SEL1L2: variants seen among roughly 807,000 people sequenced by gnomAD.
SEL1L2 encodes protein sel-1 homolog 2.
A neutral mutation model predicts 98.8 loss-of-function variants in SEL1L2; 89 were observed. The ratio of observed to expected loss-of-function variants is 0.90; its 90% CI spans 0.76 to 1.07. The LOEUF (loss-of-function observed/expected upper bound fraction) is 1.07. Among genes scored for constraint, SEL1L2 ranks in the 50% least tolerant of loss-of-function variants. SEL1L2 has a pLI of 0.00. For synonymous variants in SEL1L2, 262 were observed against 278.5 expected (o/e 0.94, Z 0.59); for missense variants, 788 against 812.0 (o/e 0.97, Z 0.36).
chr20:13,980,315 A>G (rs1384392685), intron 1 of SEL1L2, among the ~76,000 whole-genome samples: 3 of 152,208 alleles, frequency 2.0e-5, no homozygotes, highest in Admixed American at 2.0e-4. Flanking sequence ...TCCTGGGTTC[A>G]AGCTATTCTC....
intron 4 of SEL1L2, among the ~76,000 whole-genome samples, chr20:13,917,013 T>G (rs1476962631): frequency 2.0e-5 from 3 of 152,132 alleles, no homozygotes; most frequent in African/African-American, 7.2e-5. Context: ...AGTGGATGGT[T>G]ACCTGGGACC....
At chr20:13,958,878 G>A (rs13038877) in intron 1 of SEL1L2, among the ~76,000 whole-genome samples, 2 of 146,904 alleles carry the variant, frequency 1.4e-5, no homozygotes, top group Non-Finnish European at 3.0e-5. Context: ...AGCTGAGATC[G>A]ACCCACTGCA....
chr20:13,888,447 A>T lies in SEL1L2; in HGVS notation c.603+12T>A. 6.6e-7 allele frequency: 1 copy of T among 1,517,400 alleles called. No individual in the cohort carries two copies. The highest frequency in any genetic ancestry group is 1.8e-5 in the Admixed American group (1 of 54,976). The allele number at this position is 1,517,400 out of a possible 1,614,324, so 94.0% of individuals were successfully genotyped here. A position where few individuals can be genotyped will look rare whatever the true frequency, so the allele number is the denominator to read the frequency against. On this transcript the variant is annotated intron_variant, in intron 6 of 19. Transcript: ENST00000284951. ...TCAATTTTGTTCCAGAATAAAACAG[A>T]ATGATCTTTACCTTAGCTTGATCAT...
intron 2 of SEL1L2, among the ~76,000 whole-genome samples, chr20:13,935,325 A>T (rs562752553): frequency 2.6e-5 from 4 of 152,180 alleles, no homozygotes; most frequent in Non-Finnish European, 5.9e-5. Context: ...AACCAACCAA[A>T]CAAACAAAGT....
intron 1 of SEL1L2, among the ~76,000 whole-genome samples, chr20:13,967,363 CT>C (rs1339407280): frequency 3.3e-5 from 5 of 152,188 alleles, no homozygotes; most frequent in Non-Finnish European, 7.3e-5. Flanking sequence ...CTTGAAACCT[CT>C]TTTCTTGGTT....
chr20:13,973,843 C>T (rs1196655127), intron 1 of SEL1L2, among the ~76,000 whole-genome samples: 2 of 152,048 alleles, frequency 1.3e-5, no homozygotes, highest in East Asian at 3.9e-4. Context: ...CCTGGGAATC[C>T]CTAAGCAATG....
chr20:13,893,611 G>A (rs2047299363), intron 5 of SEL1L2, among the ~76,000 whole-genome samples: 1 of 152,086 alleles, frequency 6.6e-6, no homozygotes, highest in African/African-American at 2.4e-5. Flanking sequence ...AGAACAATCA[G>A]ATAGAAGATC....
At chr20:13,877,476 G>T in intron 11 of SEL1L2, 44 bp downstream of exon 11, 1 of 1,469,284 alleles carries the variant, frequency 6.8e-7, no homozygotes, top group Non-Finnish European at 9.5e-7. Flanking sequence ...TAATTTCTTA[G>T]GTTTTTAATA....
chr20:13,991,782 C>T (rs1423861432), upstream of SEL1L2, among the ~76,000 whole-genome samples: 2 of 152,128 alleles, frequency 1.3e-5, no homozygotes, highest in Non-Finnish European at 2.9e-5. Context: ...TACTTGAGGC[C>T]AGGAGTTCGA....
At chr20:13,966,941 G>A (rs985669457) in intron 1 of SEL1L2, among the ~76,000 whole-genome samples, 2 of 142,432 alleles carry the variant, frequency 1.4e-5, no homozygotes, top group African/African-American at 2.6e-5. Context: ...GAGTGCAGTG[G>A]CACAATCTCA....
At chr20:13,882,557 C>T (rs1306043335) in intron 10 of SEL1L2, among the ~76,000 whole-genome samples, 1 of 152,180 alleles carries the variant, frequency 6.6e-6, no homozygotes, top group Non-Finnish European at 1.5e-5. Context: ...CCCAGTCATT[C>T]TCGCAGTCAC....
chr20:13,917,766 C>T lies in SEL1L2; in HGVS notation c.386+1255G>A, dbSNP rs371168995. Among the ~76,000 whole-genome samples, 43 of 110,662 alleles carry T rather than the reference C, an allele frequency of 3.9e-4. 1 individual carries two copies. Among genetic ancestry groups the T allele is most frequent in the African/African-American group, 1.4e-3 (37 of 26,884 alleles). 72.6% of individuals were successfully genotyped at this position (110,662 alleles called of 152,430 possible). On this transcript the variant is annotated intron_variant, in intron 4 of 19. Coordinates refer to ENST00000284951, the MANE Select transcript of SEL1L2 (RefSeq NM_025229.2). ...CCTTGTTGGGGGCTCAGGGCCCATA[C>T]TTTCTTTATTTCTTTCTTTCTTTTT... is the stretch of plus-strand genomic sequence containing the variant.
chr20:13,965,317 C>G (rs1319165747), intron 1 of SEL1L2, among the ~76,000 whole-genome samples: 1 of 152,130 alleles, frequency 6.6e-6, no homozygotes, highest in Non-Finnish European at 1.5e-5. Context: ...AAACCTGGGA[C>G]TAAGTTTCGA....
At chr20:13,945,401 GTA>G (rs1477390666) in intron 2 of SEL1L2, among the ~76,000 whole-genome samples, 3 of 151,886 alleles carry the variant, frequency 2.0e-5, no homozygotes, top group Admixed American at 2.0e-4. Context: ...AGGGGTGTGT[GTA>G]TGTTTCTCTC....
intron 18 of SEL1L2, among the ~76,000 whole-genome samples, 153 bp downstream of exon 18, chr20:13,859,109 T>C (rs1345606089): frequency 6.6e-6 from 1 of 152,238 alleles, no homozygotes; most frequent in African/African-American, 2.4e-5. Context: ...GGGTAAGTAA[T>C]ATGTATTGGC....
intron 1 of SEL1L2, among the ~76,000 whole-genome samples, chr20:13,981,265 G>C (rs1045063484): frequency 6.6e-6 from 1 of 152,066 alleles, no homozygotes; most frequent in Non-Finnish European, 1.5e-5. Context: ...AAGAAAGAAA[G>C]AAATAGAGAA....
chr20:13,930,205 G>T (rs2148304472), intron 3 of SEL1L2, among the ~76,000 whole-genome samples: 1 of 152,332 alleles, frequency 6.6e-6, no homozygotes, highest in East Asian at 1.9e-4. Context: ...GAAGAGATTT[G>T]CTTGAAGAGC....
At chr20:13,921,249 T>A (rs2048654244) in intron 3 of SEL1L2, among the ~76,000 whole-genome samples, 1 of 152,220 alleles carries the variant, frequency 6.6e-6, no homozygotes, top group Admixed American at 6.5e-5. Context: ...CTTGGCTCAC[T>A]GCAACCTCCA....
intron 5 of SEL1L2, among the ~76,000 whole-genome samples, chr20:13,896,506 TCC>T (rs1322940047): frequency 8.4e-5 from 9 of 106,650 alleles, no homozygotes; most frequent in African/African-American, 1.5e-4. Flanking sequence ...AACAAACAAC[TCC>T]CCCCCCCCCC....
Sources: allele counts gnomAD v4.1 joint callset (sites outside exome capture counted in the v4.1 genomes callset), GRCh38; gene constraint gnomAD v4.1.1; transcripts MANE v1.5; gene names NCBI Gene and HGNC (gene_info 2026-07-23, HGNC 2026-07-21).